AGMO: variants seen among roughly 807,000 people sequenced by gnomAD.
The protein encoded by AGMO is glyceryl-ether monooxygenase.
AGMO carries 75 observed loss-of-function variants against 60.2 expected under a neutral mutation model. The observed-to-expected ratio is 1.25, with a 90% confidence interval of 1.03 to 1.51. AGMO has a LOEUF of 1.51. AGMO is among the 40% of genes most tolerant of loss of function. The pLI is 0.00. For synonymous variants in AGMO, 261 were observed against 177.1 expected, an observed-to-expected ratio of 1.47 and a Z score of -3.76; for missense variants, 763 against 525.5, an observed-to-expected ratio of 1.45 and a Z score of -4.42.
At position 15,458,453 on chromosome 7, in the gene AGMO, C is replaced by G. The variant is rs547986760; in HGVS notation, c.410-27345G>C. Among the ~76,000 whole-genome samples, 3 of 152,228 alleles carry G rather than the reference C, an allele frequency of 2.0e-5. No homozygotes were observed. The East Asian group carries it at 5.8e-4, about 29-fold the overall frequency. ...TTTCATAGGAAAGGAATGGCCTAGC[C>G]TGGGAATTTTATTGGCAGATATCAT... On this transcript the variant is annotated intron_variant, in intron 3 of 12. Coordinates refer to ENST00000342526, the MANE Select transcript of AGMO (RefSeq NM_001004320.2).
At chr7:15,163,463 T>C in the AGMO span, among the ~76,000 whole-genome samples, 1 of 152,178 alleles carries the variant, frequency 6.6e-6, no homozygotes, top group Non-Finnish European at 1.5e-5. Context: ...TGGTTTGTCA[T>C]ATATGGCTTT....
chr7:15,363,414 C>A (rs1056150968), intron 12 of AGMO, among the ~76,000 whole-genome samples: 5 of 152,100 alleles, frequency 3.3e-5, no homozygotes, highest in African/African-American at 9.7e-5. Flanking sequence ...TACACATATT[C>A]TCTTATTTAA....
At chr7:15,539,823 A>G (rs1784576222) in intron 3 of AGMO, among the ~76,000 whole-genome samples, 1 of 152,158 alleles carries the variant, frequency 6.6e-6, no homozygotes. Flanking sequence ...TTTTAATAAT[A>G]GTCATTCTGA....
intron 12 of AGMO, among the ~76,000 whole-genome samples, chr7:15,231,128 T>C (rs1045595982): frequency 3.3e-5 from 5 of 152,180 alleles, no homozygotes; most frequent in Admixed American, 1.3e-4. Flanking sequence ...TTCTGGAGTG[T>C]AACAAAATAT....
chr7:15,456,579 G>A (rs1020411317), intron 3 of AGMO, among the ~76,000 whole-genome samples: 5 of 152,160 alleles, frequency 3.3e-5, no homozygotes, highest in Non-Finnish European at 5.9e-5. Context: ...ATATCAGAGA[G>A]CAAGATTTCA....
At chr7:15,484,032 T>C (rs1782842553) in intron 3 of AGMO, among the ~76,000 whole-genome samples, 1 of 152,130 alleles carries the variant, frequency 6.6e-6, no homozygotes, top group Admixed American at 6.5e-5. Flanking sequence ...TTCATTTTGG[T>C]GAGTATAATC....
intron 5 of AGMO, among the ~76,000 whole-genome samples, chr7:15,406,468 C>A (rs1312097766): frequency 8.0e-6 from 1 of 124,648 alleles, no homozygotes; most frequent in African/African-American, 3.1e-5. Flanking sequence ...CACGTATACA[C>A]ATATATGTAT....
At chr7:15,524,929 T>A (rs913242033) in intron 3 of AGMO, among the ~76,000 whole-genome samples, 1 of 151,466 alleles carries the variant, frequency 6.6e-6, no homozygotes, top group East Asian at 1.9e-4. Flanking sequence ...ACAAATAATA[T>A]ATATAGAATT....
At chr7:15,443,855 A>C (rs1781630451) in intron 3 of AGMO, among the ~76,000 whole-genome samples, 1 of 152,166 alleles carries the variant, frequency 6.6e-6, no homozygotes, top group African/African-American at 2.4e-5. Context: ...AGCTTTTTGA[A>C]CACTCTCAGC....
At chr7:15,508,363 T>C (rs372302566) in intron 3 of AGMO, among the ~76,000 whole-genome samples, 1 of 152,158 alleles carries the variant, frequency 6.6e-6, no homozygotes. Context: ...TGGATGCAAG[T>C]TGACATCTGT....
intron 3 of AGMO, among the ~76,000 whole-genome samples, chr7:15,467,670 T>G (rs1782330557): frequency 6.6e-6 from 1 of 152,176 alleles, no homozygotes; most frequent in Non-Finnish European, 1.5e-5. Flanking sequence ...TTACACAGCG[T>G]ATTTGCTCCA....
chr7:15,322,525 TAAATATATAA>T lies in AGMO; in HGVS notation c.1263+42979_1263+42988del, dbSNP rs1563086154. ...ATATAAATATATATATAAATATATA[TAAATATATAA>T]ATATATATATAAATATATATAAATA... On this transcript the variant is annotated intron_variant, in intron 12 of 12. Transcript: ENST00000342526. Among the ~76,000 whole-genome samples, 66 of 75,928 alleles carry T rather than the reference TAAATATATAA, an allele frequency of 8.7e-4. 3 individuals carry two copies. Among genetic ancestry groups the T allele is most frequent in the African/African-American group, 4.4e-3 (64 of 14,538 alleles). 49.8% of individuals were successfully genotyped at this position (75,928 alleles called of 152,430 possible).
chr7:15,542,292 C>T (rs1171230541), intron 3 of AGMO, among the ~76,000 whole-genome samples: 1 of 152,058 alleles, frequency 6.6e-6, no homozygotes, highest in East Asian at 1.9e-4. Context: ...GAATGTTTTT[C>T]CAGAAGGTTT....
the AGMO span, among the ~76,000 whole-genome samples, chr7:15,142,594 C>T: frequency 6.6e-6 from 1 of 152,054 alleles, no homozygotes; most frequent in Non-Finnish European, 1.5e-5. Context: ...TCTACTTATC[C>T]TCATAAGCAT....
chr7:15,260,887 G>T (rs1043255368), intron 12 of AGMO, among the ~76,000 whole-genome samples: 2 of 151,716 alleles, frequency 1.3e-5, no homozygotes, highest in Non-Finnish European at 2.9e-5. Flanking sequence ...CAAATACATG[G>T]AAATTAAATA....
chr7:15,549,345 T>C (rs1283207584), intron 2 of AGMO, among the ~76,000 whole-genome samples: 1 of 151,786 alleles, frequency 6.6e-6, no homozygotes, highest in Non-Finnish European at 1.5e-5. Flanking sequence ...ATGGACTAAA[T>C]GCTCCAGTTA....
intron 3 of AGMO, among the ~76,000 whole-genome samples, chr7:15,467,654 A>G (rs1474717019): frequency 6.6e-6 from 1 of 152,190 alleles, no homozygotes; most frequent in Non-Finnish European, 1.5e-5. Context: ...TAGAAAATCC[A>G]GAATTTTACA....
intron 12 of AGMO, among the ~76,000 whole-genome samples, chr7:15,264,285 T>C (rs1172772110): frequency 1.3e-5 from 2 of 151,872 alleles, no homozygotes; most frequent in East Asian, 3.9e-4. Context: ...CATAACTACG[T>C]CAAAAATGGC....
At chr7:15,397,785 A>G (rs1784452510) in intron 5 of AGMO, among the ~76,000 whole-genome samples, 1 of 152,230 alleles carries the variant, frequency 6.6e-6, no homozygotes, top group African/African-American at 2.4e-5. Flanking sequence ...TTTTAATTTC[A>G]GGAGTTTAAA....
Sources: allele counts gnomAD v4.1 joint callset (sites outside exome capture counted in the v4.1 genomes callset), GRCh38; gene constraint gnomAD v4.1.1; transcripts MANE v1.5; gene names NCBI Gene and HGNC (gene_info 2026-07-23, HGNC 2026-07-21).